Variants in B4GALT6 observed in about 807,000 individuals in gnomAD.
B4GALT6 encodes beta-1,4-galactosyltransferase 6.
A neutral mutation model predicts 46.3 loss-of-function variants in B4GALT6; 14 were observed. The ratio of observed to expected loss-of-function variants is 0.30; its 90% CI spans 0.20 to 0.47. The LOEUF is 0.47. Among genes scored for constraint, B4GALT6 ranks in the 20% least tolerant of loss-of-function variants. B4GALT6 has a pLI of 0.99. For missense variants in B4GALT6, 386 were observed against 480.1 expected, an observed-to-expected ratio of 0.80 and a Z score of 1.83; for synonymous variants, 168 against 162.0, an observed-to-expected ratio of 1.04 and a Z score of -0.28.
chr18:31,651,226 G>A (rs764440625), intron 3 of B4GALT6, among the ~76,000 whole-genome samples: 1 of 152,060 alleles, frequency 6.6e-6, no homozygotes, highest in African/African-American at 2.4e-5. Flanking sequence ...TCCTTGCAGC[G>A]ACAATTATCC....
chr18:31,661,061 G>A (rs928521010), intron 2 of B4GALT6, among the ~76,000 whole-genome samples: 3 of 152,156 alleles, frequency 2.0e-5, no homozygotes, highest in Non-Finnish European at 4.4e-5. Flanking sequence ...AGACGGCTCT[G>A]CAAATTGGGG....
chr18:31,678,004 A>G (rs1350613198), intron 1 of B4GALT6, among the ~76,000 whole-genome samples: 1 of 152,176 alleles, frequency 6.6e-6, no homozygotes, highest in Non-Finnish European at 1.5e-5. Context: ...TCTACTTAAG[A>G]CAAACATGAA....
At chr18:31,716,129 G>A in the B4GALT6 span, among the ~76,000 whole-genome samples, 1 of 152,128 alleles carries the variant, frequency 6.6e-6, no homozygotes, top group African/African-American at 2.4e-5. Context: ...AAAGGGGATG[G>A]CAATGATGAG....
intron 8 of B4GALT6, 100 bp from the exon 9 acceptor site, chr18:31,625,861 A>G: frequency 1.1e-6 from 1 of 935,904 alleles, no homozygotes; most frequent in Non-Finnish European, 1.5e-6. Context: ...TAAAGCACTT[A>G]ATGCCCTTTA....
intron 5 of B4GALT6, among the ~76,000 whole-genome samples, chr18:31,631,383 C>T (rs1394015550): frequency 6.6e-6 from 1 of 151,858 alleles, no homozygotes; most frequent in Non-Finnish European, 1.5e-5. Context: ...ATTTTTCAAA[C>T]TTGTTGCATC....
intron 3 of B4GALT6, among the ~76,000 whole-genome samples, chr18:31,652,439 T>C (rs1221134177): frequency 6.6e-6 from 1 of 152,050 alleles, no homozygotes; most frequent in Non-Finnish European, 1.5e-5. Flanking sequence ...GACACCACCC[T>C]CTGGCTTCTC....
chr18:31,698,908 T>C, the B4GALT6 span, among the ~76,000 whole-genome samples: 8 of 151,792 alleles, frequency 5.3e-5, no homozygotes, highest in South Asian at 1.0e-3. Context: ...CTGTCTCTAT[T>C]AAAATACAAA....
intron 3 of B4GALT6, among the ~76,000 whole-genome samples, chr18:31,651,712 C>G (rs1384371645): frequency 6.6e-6 from 1 of 152,144 alleles, no homozygotes; most frequent in African/African-American, 2.4e-5. Flanking sequence ...CACTTTCTAA[C>G]CTGGCTCTAT....
chr18:31,681,631 G>A (rs9951594), intron 1 of B4GALT6, among the ~76,000 whole-genome samples: 13,769 of 152,192 alleles, frequency 0.09, 861 homozygotes, highest in African/African-American at 0.18. Flanking sequence ...AACAGATTAC[G>A]CTGCCTACAA....
At chr18:31,671,568 T>A (rs562606422) in intron 1 of B4GALT6, among the ~76,000 whole-genome samples, 1 of 152,244 alleles carries the variant, frequency 6.6e-6, no homozygotes, top group Non-Finnish European at 1.5e-5. Context: ...TCTGTTCATA[T>A]CCTTCGCCTA....
intron 3 of B4GALT6, among the ~76,000 whole-genome samples, chr18:31,655,475 C>G (rs868498148): frequency 2.0e-5 from 3 of 152,142 alleles, no homozygotes; most frequent in Admixed American, 1.3e-4. Context: ...CTCCCCACCC[C>G]CAGTGAAAAG....
chr18:31,661,631 T>C (rs559606116), intron 2 of B4GALT6, among the ~76,000 whole-genome samples: 5 of 152,310 alleles, frequency 3.3e-5, no homozygotes, highest in African/African-American at 7.2e-5. Context: ...ATAGAGATGA[T>C]AATTTTTCTG....
intron 1 of B4GALT6, among the ~76,000 whole-genome samples, chr18:31,670,094 T>A (rs2074332808): frequency 6.6e-6 from 1 of 151,686 alleles, no homozygotes; most frequent in Non-Finnish European, 1.5e-5. Context: ...CACTCTGTCA[T>A]CCAGGTTGGA....
chr18:31,654,159 A>T (rs1357240237), intron 3 of B4GALT6, among the ~76,000 whole-genome samples: 1 of 152,228 alleles, frequency 6.6e-6, no homozygotes, highest in Non-Finnish European at 1.5e-5. Flanking sequence ...AGAATATATA[A>T]AGGTCACTGC....
chr18:31,646,980 T>C (rs1210018586), intron 3 of B4GALT6, among the ~76,000 whole-genome samples: 1 of 152,196 alleles, frequency 6.6e-6, no homozygotes, highest in East Asian at 1.9e-4. Context: ...CTTAGAAAGG[T>C]CAGATTCATC....
intron 4 of B4GALT6, among the ~76,000 whole-genome samples, chr18:31,641,692 A>G (rs1168525782): frequency 6.6e-6 from 1 of 152,218 alleles, no homozygotes; most frequent in African/African-American, 2.4e-5. Flanking sequence ...CTTCTGATAA[A>G]ACAACACTTC....
chr18:31,626,496 C>T (rs2073699402), intron 7 of B4GALT6, 112 bp from the exon 8 acceptor site: 3 of 567,778 alleles, frequency 5.3e-6, no homozygotes, highest in Middle Eastern at 4.3e-4. Context: ...TTCCCCAACC[C>T]CTGGGCCACA....
At chr18:31,706,121 C>T in the B4GALT6 span, among the ~76,000 whole-genome samples, 1 of 152,010 alleles carries the variant, frequency 6.6e-6, no homozygotes, top group East Asian at 1.9e-4. Context: ...AAGTTTCATG[C>T]CCTAATCCCT....
upstream of B4GALT6, among the ~76,000 whole-genome samples, chr18:31,688,699 C>G (rs2030011576): frequency 6.6e-6 from 1 of 152,110 alleles, no homozygotes; most frequent in Non-Finnish European, 1.5e-5. Context: ...TTCACAACAT[C>G]CCTTTGGGGT....
Sources: gnomAD v4.1 joint callset for allele counts (sites outside exome capture counted in the v4.1 genomes callset) on GRCh38, gnomAD v4.1.1 for gene constraint, MANE v1.5 for transcripts, NCBI Gene and HGNC (gene_info 2026-07-23, HGNC 2026-07-21) for gene names.